HNF4G: variants seen among roughly 807,000 people sequenced by gnomAD.
HNF4G encodes hepatocyte nuclear factor 4-gamma.
A neutral mutation model predicts 50.9 loss-of-function variants in HNF4G; 21 were observed. The ratio of observed to expected loss-of-function variants is 0.41; its 90% CI spans 0.29 to 0.59. The LOEUF (loss-of-function observed/expected upper bound fraction) is 0.59. Ranked by LOEUF, HNF4G falls within the 20% of genes least tolerant of loss-of-function variation. The pLI, the probability that HNF4G is intolerant of heterozygous loss-of-function variation, is 0.26. For synonymous variants in HNF4G, 198 were observed against 185.6 expected, an observed-to-expected ratio of 1.07 and a Z score of -0.54; for missense variants, 527 against 559.4, an observed-to-expected ratio of 0.94 and a Z score of 0.58.
intron 2 of HNF4G, among the ~76,000 whole-genome samples, chr8:75,496,656 A>G (rs1366705421): frequency 2.6e-5 from 4 of 152,226 alleles, no homozygotes; most frequent in South Asian, 4.1e-4. Context: ...CAAGAACATA[A>G]CTGGTTGTCA....
intron 1 of HNF4G, 34 bp downstream of exon 1, chr8:75,540,114 A>G: frequency 1.6e-6 from 2 of 1,215,104 alleles, no homozygotes; most frequent in Non-Finnish European, 2.4e-6. Flanking sequence ...TGTAAAGAAA[A>G]GTAAGTATAA....
At chr8:75,518,600 A>G (rs536079756) in intron 2 of HNF4G, among the ~76,000 whole-genome samples, 1 of 152,320 alleles carries the variant, frequency 6.6e-6, no homozygotes, top group South Asian at 2.1e-4. Flanking sequence ...TACCACCTGT[A>G]AGCTGCCAAA....
intron 1 of HNF4G, among the ~76,000 whole-genome samples, chr8:75,411,252 A>G (rs1331527160): frequency 6.6e-6 from 1 of 152,212 alleles, no homozygotes; most frequent in Non-Finnish European, 1.5e-5. Flanking sequence ...GGAACGGTTG[A>G]AACCTTTACA....
At chr8:75,423,177 T>C (rs1323996939) in intron 1 of HNF4G, among the ~76,000 whole-genome samples, 1 of 152,108 alleles carries the variant, frequency 6.6e-6, no homozygotes, top group Admixed American at 6.6e-5. Context: ...TGTTCCCTTT[T>C]CCATAATTTT....
intron 2 of HNF4G, among the ~76,000 whole-genome samples, chr8:75,508,774 G>A (rs1246176458): frequency 6.6e-6 from 1 of 152,122 alleles, no homozygotes; most frequent in African/African-American, 2.4e-5. Flanking sequence ...AATATTGAAG[G>A]TTAGAGGGGA....
chr8:75,533,179 G>A (rs1181987170), intron 2 of HNF4G, among the ~76,000 whole-genome samples: 1 of 151,968 alleles, frequency 6.6e-6, no homozygotes, highest in Non-Finnish European at 1.5e-5. Context: ...TATTTGTGGA[G>A]CATTTCCTGG....
intron 2 of HNF4G, among the ~76,000 whole-genome samples, chr8:75,492,841 A>C (rs548649627): frequency 6.6e-6 from 1 of 152,226 alleles, no homozygotes; most frequent in Non-Finnish European, 1.5e-5. Flanking sequence ...ATTTCTCCTG[A>C]GAAAAAGTGA....
Position 75,563,970 on chromosome 8 carries a change from T to C in HNF4G, c.1247-5T>C. ...ATTAGACTCAATTCTCTGATTCTTT[T>C]TCAGCAACTCCTGAAACCCCACTCC... On this transcript the variant is annotated splice_polypyrimidine_tract_variant and splice_region_variant and intron_variant, in intron 9 of 9. Transcript: ENST00000396423. 5 of 1,613,082 alleles carry C rather than the reference T, an allele frequency of 3.1e-6. No individual in the cohort carries two copies. The highest frequency in any genetic ancestry group is 1.3e-5 in the African/African-American group (1 of 75,008).
chr8:75,537,536 G>A (rs1377142849), upstream of HNF4G, among the ~76,000 whole-genome samples: 3 of 152,096 alleles, frequency 2.0e-5, no homozygotes, highest in Middle Eastern at 3.4e-3. Flanking sequence ...GTGAGCTACC[G>A]TGCCTGGCTA....
chr8:75,412,093 A>G (rs903022505), intron 1 of HNF4G, among the ~76,000 whole-genome samples: 2 of 152,218 alleles, frequency 1.3e-5, no homozygotes, highest in African/African-American at 2.4e-5. Flanking sequence ...TACACAAAGT[A>G]CTTATAACTT....
chr8:75,417,895 T>C (rs1810679748), intron 1 of HNF4G, among the ~76,000 whole-genome samples: 1 of 152,150 alleles, frequency 6.6e-6, no homozygotes. Flanking sequence ...CTTATGGTAT[T>C]AATTTTTATC....
chr8:75,559,115 C>A, intron 8 of HNF4G, 78 bp downstream of exon 8: 1 of 973,848 alleles, frequency 1.0e-6, no homozygotes, highest in Non-Finnish European at 1.6e-6. Context: ...TTTTTTTGTC[C>A]ATATTTAATT....
chr8:75,544,036 C>T (rs1806700486), intron 2 of HNF4G, 57 bp downstream of exon 2: 4 of 1,439,044 alleles, frequency 2.8e-6, no homozygotes, highest in Admixed American at 4.5e-5. Context: ...GTTTGGCACG[C>T]AAAAAGTAAG....
At chr8:75,484,194 A>G (rs1812445459) in intron 1 of HNF4G, among the ~76,000 whole-genome samples, 2 of 152,228 alleles carry the variant, frequency 1.3e-5, no homozygotes, top group Admixed American at 1.3e-4. Flanking sequence ...TTAAATAGAA[A>G]TTGTTAGAAA....
chr8:75,552,622 T>G (rs1806991633), intron 4 of HNF4G, among the ~76,000 whole-genome samples: 1 of 152,164 alleles, frequency 6.6e-6, no homozygotes, highest in Non-Finnish European at 1.5e-5. Context: ...AAACATTTTC[T>G]TCATAAACTT....
At chr8:75,479,863 A>T (rs897147233) in intron 1 of HNF4G, among the ~76,000 whole-genome samples, 1 of 152,132 alleles carries the variant, frequency 6.6e-6, no homozygotes, top group Admixed American at 6.5e-5. Context: ...TATTTGTATC[A>T]ATTTGAGGAA....
chr8:75,470,438 A>G (rs10104464), intron 1 of HNF4G, among the ~76,000 whole-genome samples: 8,129 of 152,196 alleles, frequency 0.053, 631 homozygotes, highest in African/African-American at 0.16. Context: ...CTATTATAAA[A>G]ATTAATTTTG....
At chr8:75,562,460 G>A (rs1020049625) in intron 9 of HNF4G, among the ~76,000 whole-genome samples, 1 of 152,034 alleles carries the variant, frequency 6.6e-6, no homozygotes, top group African/African-American at 2.4e-5. Flanking sequence ...TCATTTAACA[G>A]ATAATCAATA....
intron 1 of HNF4G, among the ~76,000 whole-genome samples, chr8:75,425,373 C>A (rs962963599): frequency 1.3e-5 from 2 of 151,494 alleles, no homozygotes; most frequent in African/African-American, 2.4e-5. Flanking sequence ...TGTGAGCCAC[C>A]GCGCCCAGCC....
Sources: gnomAD v4.1 joint callset for allele counts (sites outside exome capture counted in the v4.1 genomes callset) on GRCh38, gnomAD v4.1.1 for gene constraint, MANE v1.5 for transcripts, NCBI Gene and HGNC (gene_info 2026-07-23, HGNC 2026-07-21) for gene names.